The following KLHL22 variants were observed in gnomAD, a reference collection of about 807,000 sequenced individuals.
KLHL22 encodes kelch-like protein 22.
In KLHL22, 18 loss-of-function variants were observed where a neutral mutation model predicts 60.7. That is an observed-to-expected ratio of 0.30 (90% confidence interval 0.20 to 0.44). The LOEUF (loss-of-function observed/expected upper bound fraction) is 0.44. Among genes scored for constraint, KLHL22 ranks in the 20% least tolerant of loss-of-function variants. The pLI is 1.00. For synonymous variants in KLHL22, 355 were observed against 354.5 expected (o/e 1.00, Z -0.01); for missense variants, 596 against 852.3 (o/e 0.70, Z 3.74).
In KLHL22 at chr22:20,460,588, G is replaced by A. The variant is rs144646039; in HGVS notation, c.1113-2588C>T. Among the ~76,000 whole-genome samples the A allele has an allele frequency of 5.9e-4, 72 of 122,358 alleles. 1 individual carries two copies. Among genetic ancestry groups the A allele is most frequent in the African/African-American group, 2.0e-3 (63 of 31,442 alleles). The allele number at this position is 122,358 out of a possible 152,430, so 80.3% of individuals were successfully genotyped here. A position where few individuals can be genotyped will look rare whatever the true frequency, so the allele number is the denominator to read the frequency against. On this transcript the variant is annotated intron_variant, in intron 4 of 6. Transcript: ENST00000328879. ...CATGCCATTGCACTCCAGCCTGGGC[G>A]ACAGAGTGAAACTCCATCCCCCAAA...
chr22:20,446,980 A>C (rs903949705), intron 5 of KLHL22, among the ~76,000 whole-genome samples: 1 of 152,276 alleles, frequency 6.6e-6, no homozygotes, highest in South Asian at 2.1e-4. Flanking sequence ...AAATAAAAGC[A>C]TTTTTTCCAA....
chr22:20,489,272 G>A, intron 1 of KLHL22, 28 bp from the exon 2 acceptor site: 1 of 1,558,844 alleles, frequency 6.4e-7, no homozygotes, highest in Non-Finnish European at 8.8e-7. Flanking sequence ...AGGGGACAGG[G>A]GTGAGCAGGC....
At chr22:20,478,582 T>C (rs1259051779) in intron 2 of KLHL22, among the ~76,000 whole-genome samples, 2 of 140,984 alleles carry the variant, frequency 1.4e-5, no homozygotes, top group Non-Finnish European at 3.1e-5. Flanking sequence ...TGGCATGATC[T>C]CGGTTCACTG....
At position 20,471,518 on chromosome 22, in the gene KLHL22, G is replaced by A. The variant is rs1601362139; in HGVS notation, c.228-3C>T. On this transcript the variant is annotated splice_polypyrimidine_tract_variant and splice_region_variant and intron_variant, in intron 2 of 6. Coordinates refer to ENST00000328879, the MANE Select transcript of KLHL22 (RefSeq NM_032775.4). ...TCAATCCCCCAGCAAACATTCCTCT[G>A]CAAAGTGAAGACACAAGAAAATGGA... is the stretch of plus-strand genomic sequence containing the variant. 1.9e-6 allele frequency: 3 copies of A among 1,612,830 alleles called. No individual in the cohort carries two copies. The African/African-American group carries it at 4.0e-5, about 22-fold the overall frequency.
chr22:20,457,861 G>A lies in KLHL22; in HGVS notation c.1252C>T (p.Arg418Cys), dbSNP rs773723787. Residue 418 changes from arginine to cysteine, a missense_variant, in exon 5 of 7, where the codon CGC becomes TGC. Transcript: ENST00000328879. The part of the protein sequence containing the change: ...DYHNDLNAVE[R>C]YDPATNSWAY... ...CAGGAGTTGGTGGCAGGGTCGTAGCGCTCCACAGCATTCAGGTCATTGTGG... is the reference window on the plus strand; with the variant it reads ...CAGGAGTTGGTGGCAGGGTCGTAGCACTCCACAGCATTCAGGTCATTGTGG... 1.1e-5 allele frequency: 17 copies of A among 1,610,762 alleles called. 1 individual carries two copies. The East Asian group carries it at 2.2e-4, about 21-fold the overall frequency.
chr22:20,474,805 T>C (rs1037947033), intron 2 of KLHL22, among the ~76,000 whole-genome samples: 5 of 152,238 alleles, frequency 3.3e-5, no homozygotes, highest in African/African-American at 1.2e-4. Flanking sequence ...AGTATGCATA[T>C]GCCAGGATTA....
chr22:20,458,960 T>C (rs5753802), intron 4 of KLHL22, among the ~76,000 whole-genome samples: 54,807 of 151,840 alleles, frequency 0.36, 10,074 homozygotes, highest in East Asian at 0.46. Context: ...ACTAGACTGG[T>C]TGCGGCAGGC....
chr22:20,488,899 C>G, intron 2 of KLHL22, 86 bp downstream of exon 2: 1 of 1,322,840 alleles, frequency 7.6e-7, no homozygotes, highest in Non-Finnish European at 1.0e-6. Context: ...GAGCAGGAGA[C>G]CAGCCACTGT....
intron 6 of KLHL22, among the ~76,000 whole-genome samples, chr22:20,443,973 C>T (rs1468637764): frequency 6.6e-6 from 1 of 150,668 alleles, no homozygotes; most frequent in Non-Finnish European, 1.5e-5. Flanking sequence ...ATCGCTTAAA[C>T]CCAGGAGGCA....
rs185471583 is a variant in KLHL22 at position 20,486,392 on chromosome 22, A to C, written c.227+2593T>G. 7.9e-5 allele frequency among the ~76,000 whole-genome samples: 12 copies of C among 152,114 alleles called. No individual in the cohort carries two copies. The East Asian group carries it at 2.3e-3, about 29-fold the overall frequency. ...CACTGCCCAGTTTGCAAGTAGCTCC[A>C]TTGGATAACACAGAAAGGCTCTGTC... On this transcript the variant is annotated intron_variant, in intron 2 of 6. Transcript: ENST00000328879.
At position 20,465,567 on chromosome 22, in the gene KLHL22, T is replaced by C; in HGVS notation, c.403A>G (p.Ile135Val). 2 of 1,506,724 alleles carry C rather than the reference T, an allele frequency of 1.3e-6. No individual in the cohort carries two copies. Among genetic ancestry groups the C allele is most frequent in the Middle Eastern group, 1.7e-4 (1 of 5,894 alleles). The allele number at this position is 1,506,724 out of a possible 1,614,324, so 93.3% of individuals were successfully genotyped here. A position where few individuals can be genotyped will look rare whatever the true frequency, so the allele number is the denominator to read the frequency against. The change falls in exon 4 of 7, where the codon ATT (isoleucine) becomes GTT (valine). Residue 135 changes from isoleucine to valine, a missense_variant. Transcript: ENST00000328879. This position sits in a 1 kb window ranked among gnomAD's most constrained non-coding sequence, Gnocchi z 4.9. ...VAACQLQIPE[I>V]IHFCCDFLMS... is the part of the protein sequence containing the mutation. ...AGGAAATCACAGCAGAAATGGATAA[T>C]TTCTGGGATCTGCAGAGAGAATGAC...
chr22:20,469,806 C>G (rs1368691007), intron 3 of KLHL22, among the ~76,000 whole-genome samples: 1 of 151,466 alleles, frequency 6.6e-6, no homozygotes, highest in Non-Finnish European at 1.5e-5. Flanking sequence ...CAAACCTGCT[C>G]TCATGGGAAG....
Position 20,465,991 on chromosome 22 carries a change from C to T in KLHL22, c.394-415G>A, listed in dbSNP as rs377742614. 2.6e-5 allele frequency among the ~76,000 whole-genome samples: 4 copies of T among 151,920 alleles called. No homozygotes were observed. Among genetic ancestry groups the T allele is most frequent in the Non-Finnish European group, 4.4e-5 (3 of 67,992 alleles). On this transcript the variant is annotated intron_variant, in intron 3 of 6. Transcript: ENST00000328879. The surrounding 1 kb of genome is among the most constrained non-coding windows in gnomAD (Gnocchi z 4.9). ...AGCCTCAGTCTCCTCATCTATAAAA[C>T]GGGGATCATTAAAGTGAAGAGGAAC... is the stretch of plus-strand genomic sequence containing the variant.
Position 20,465,147 on chromosome 22 carries a change from T to C in KLHL22, c.823A>G (p.Met275Val), listed in dbSNP as rs1213725013. 1.9e-6 allele frequency: 3 copies of C among 1,613,736 alleles called. No individual in the cohort carries two copies. Among genetic ancestry groups the C allele is most frequent in the Non-Finnish European group, 2.5e-6 (3 of 1,180,002 alleles). The change falls in exon 4 of 7, where the codon ATG (methionine) becomes GTG (valine). Residue 275 changes from methionine (M) to valine (V), a missense_variant. Transcript: ENST00000328879. This position sits in a 1 kb window ranked among gnomAD's most constrained non-coding sequence, Gnocchi z 4.9. ...TGTAGGCTCTCGTTCCGGTGGTACA[T>C]GAGGGCGCTGGCCACTGTGTCCCTC... The part of the protein sequence containing the change: ...PLRDTVASAL[M>V]YHRNESLQPS...
At chr22:20,493,496 A>C (rs2053722493) in intron 1 of KLHL22, among the ~76,000 whole-genome samples, 1 of 152,186 alleles carries the variant, frequency 6.6e-6, no homozygotes, top group Non-Finnish European at 1.5e-5. Flanking sequence ...AAAATGCGCA[A>C]AGTGGCCGGG....
intron 4 of KLHL22, among the ~76,000 whole-genome samples, chr22:20,460,225 C>A (rs961483286): frequency 6.6e-6 from 1 of 152,220 alleles, no homozygotes; most frequent in African/African-American, 2.4e-5. Context: ...TGAGATAGGA[C>A]CCTCCATGTG....
chr22:20,489,385 A>G, intron 1 of KLHL22, 141 bp from the exon 2 acceptor site: 1 of 664,202 alleles, frequency 1.5e-6, no homozygotes, highest in Admixed American at 2.4e-5. Flanking sequence ...CAAATCCCCT[A>G]ATTCCTTCTC....
At chr22:20,481,428 C>T (rs2053499551) in intron 2 of KLHL22, among the ~76,000 whole-genome samples, 1 of 151,842 alleles carries the variant, frequency 6.6e-6, no homozygotes, top group Non-Finnish European at 1.5e-5. Context: ...CAAAAATTAG[C>T]CGGGTGTGGT....
At chr22:20,461,025 A>G (rs1014226511) in intron 4 of KLHL22, among the ~76,000 whole-genome samples, 2 of 152,250 alleles carry the variant, frequency 1.3e-5, no homozygotes, top group Non-Finnish European at 2.9e-5. Flanking sequence ...GTGAGAACAC[A>G]GACGGAAAGG....
Sources: allele counts gnomAD v4.1 joint callset (sites outside exome capture counted in the v4.1 genomes callset), GRCh38; gene constraint gnomAD v4.1.1; non-coding constraint Gnocchi (gnomAD v3.1); transcripts MANE v1.5; gene names NCBI Gene and HGNC (gene_info 2026-07-23, HGNC 2026-07-21).